MDGA2: variants seen among roughly 807,000 people sequenced by gnomAD.
The protein encoded by MDGA2 is MAM domain-containing glycosylphosphatidylinositol anchor protein 2.
In MDGA2, 40 loss-of-function variants were observed where a neutral mutation model predicts 117.8. The ratio of observed to expected loss-of-function variants is 0.34; its 90% CI spans 0.26 to 0.44. The LOEUF is 0.44. Ranked by LOEUF, MDGA2 falls within the 20% of genes least tolerant of loss-of-function variation. The pLI is 1.00. For synonymous variants in MDGA2, 452 were observed against 439.0 expected (o/e 1.03, Z -0.37); for missense variants, 1,123 against 1,250.6 (o/e 0.90, Z 1.54).
intron 14 of MDGA2, among the ~76,000 whole-genome samples, chr14:46,870,592 G>GC (rs1881955472): frequency 6.6e-6 from 1 of 151,934 alleles, no homozygotes; most frequent in Admixed American, 6.6e-5. Context: ...CCTGCAGCTT[G>GC]CTGAGAGGAA....
intron 5 of MDGA2, among the ~76,000 whole-genome samples, chr14:47,128,535 A>T (rs889221859): frequency 6.6e-6 from 1 of 152,154 alleles, no homozygotes; most frequent in African/African-American, 2.4e-5. Context: ...TCATGCCATG[A>T]AGAATAACAT....
At chr14:46,962,215 A>C (rs1885840236) in intron 8 of MDGA2, among the ~76,000 whole-genome samples, 1 of 152,212 alleles carries the variant, frequency 6.6e-6, no homozygotes, top group African/African-American at 2.4e-5. Flanking sequence ...AAGTGACTTG[A>C]ATTTGAGTTA....
chr14:47,281,323 T>C (rs1175921208), intron 2 of MDGA2, among the ~76,000 whole-genome samples: 1 of 152,146 alleles, frequency 6.6e-6, no homozygotes, highest in African/African-American at 2.4e-5. Flanking sequence ...ATTAGGTGAT[T>C]TGCCTTATAG....
chr14:47,183,754 A>T (rs1022537656), intron 3 of MDGA2, among the ~76,000 whole-genome samples: 2 of 152,102 alleles, frequency 1.3e-5, no homozygotes, highest in African/African-American at 4.8e-5. Context: ...GTTAGAGACT[A>T]TACCAGTATT....
chr14:47,628,025 C>T (rs758135455), intron 1 of MDGA2, among the ~76,000 whole-genome samples: 3 of 152,128 alleles, frequency 2.0e-5, no homozygotes, highest in Admixed American at 6.5e-5. Flanking sequence ...CCACCAATTC[C>T]GGACACAGTA....
intron 2 of MDGA2, among the ~76,000 whole-genome samples, chr14:47,288,421 T>C (rs1888763903): frequency 6.6e-6 from 1 of 152,166 alleles, no homozygotes; most frequent in Non-Finnish European, 1.5e-5. Flanking sequence ...GTCAATTTGA[T>C]ACCATATTGC....
intron 1 of MDGA2, among the ~76,000 whole-genome samples, chr14:47,374,038 T>C (rs112340777): frequency 7.9e-5 from 12 of 152,280 alleles, no homozygotes; most frequent in African/African-American, 2.9e-4. Flanking sequence ...ATTTTACATA[T>C]TTGGGATGAG....
Position 47,241,006 on chromosome 14 carries a change from G to T in MDGA2, c.421-22811C>A, listed in dbSNP as rs149794710. Among the ~76,000 whole-genome samples, 515 of 151,936 alleles carry T rather than the reference G, an allele frequency of 3.4e-3. 6 individuals carry two copies. The highest frequency in any genetic ancestry group is 0.012 in the African/African-American group (486 of 41,506). The stretch of plus-strand genomic sequence containing the variant: ...TGTGATTTTAGAAAATGGGTTATTT[G>T]AAGGAAACTTGCTCCAGATATGTTT... On this transcript the variant is annotated intron_variant, in intron 2 of 16. Coordinates refer to ENST00000399232, the MANE Select transcript of MDGA2 (RefSeq NM_001113498.3).
chr14:47,527,034 C>G (rs1178673375), intron 1 of MDGA2, among the ~76,000 whole-genome samples: 1 of 152,120 alleles, frequency 6.6e-6, no homozygotes, highest in African/African-American at 2.4e-5. Context: ...TGAGTATTTA[C>G]TAAGTCCCAA....
intron 1 of MDGA2, among the ~76,000 whole-genome samples, chr14:47,521,246 G>A (rs539685443): frequency 8.5e-5 from 13 of 152,218 alleles, no homozygotes; most frequent in African/African-American, 2.9e-4. Context: ...TCTGGATGTG[G>A]GGGATCAGTT....
chr14:47,335,734 T>TTATATATATATATATA (rs1555374514), intron 1 of MDGA2, among the ~76,000 whole-genome samples: 57 of 47,918 alleles, frequency 1.2e-3, no homozygotes, highest in South Asian at 5.6e-3. Context: ...CACATATATT[T>TTATATATATATATATA]TATATATATA....
intron 5 of MDGA2, among the ~76,000 whole-genome samples, chr14:47,130,219 G>GT (rs977922171): frequency 4.6e-5 from 7 of 151,890 alleles, no homozygotes; most frequent in African/African-American, 1.7e-4. Flanking sequence ...GGTTTTTATG[G>GT]TTTTAGGTCT....
At chr14:47,397,648 T>G (rs751352455) in intron 1 of MDGA2, among the ~76,000 whole-genome samples, 1 of 152,174 alleles carries the variant, frequency 6.6e-6, no homozygotes, top group Non-Finnish European at 1.5e-5. Context: ...TAGATAAGTA[T>G]CTTTATAAAT....
chr14:47,135,833 A>G (rs61995365), intron 4 of MDGA2, among the ~76,000 whole-genome samples: 8,621 of 152,064 alleles, frequency 0.057, 337 homozygotes, highest in Middle Eastern at 0.1. Flanking sequence ...AATGCTCCCC[A>G]TTCCTTGCTA....
chr14:47,025,097 T>C (rs941976910), intron 8 of MDGA2, among the ~76,000 whole-genome samples: 1 of 152,114 alleles, frequency 6.6e-6, no homozygotes, highest in African/African-American at 2.4e-5. Flanking sequence ...GAAACTATAA[T>C]TATTATTATC....
chr14:47,282,180 G>A (rs1888514845), intron 2 of MDGA2, among the ~76,000 whole-genome samples: 3 of 152,010 alleles, frequency 2.0e-5, no homozygotes, highest in Admixed American at 2.0e-4. Context: ...ATATGCATAA[G>A]CATTCTAAAT....
At chr14:47,173,118 A>G (rs1406077229) in intron 3 of MDGA2, among the ~76,000 whole-genome samples, 2 of 152,238 alleles carry the variant, frequency 1.3e-5, no homozygotes, top group East Asian at 1.9e-4. Context: ...AAAAAGAAAC[A>G]AACAAAGCCT....
At chr14:47,345,016 A>C (rs934372394) in intron 1 of MDGA2, among the ~76,000 whole-genome samples, 1 of 152,112 alleles carries the variant, frequency 6.6e-6, no homozygotes, top group African/African-American at 2.4e-5. Flanking sequence ...TTAATATTTC[A>C]ACCAAATGTT....
intron 9 of MDGA2, among the ~76,000 whole-genome samples, chr14:46,942,698 T>C (rs1885041369): frequency 6.6e-6 from 1 of 152,134 alleles, no homozygotes; most frequent in Non-Finnish European, 1.5e-5. Flanking sequence ...CTCGACATTG[T>C]TTTTGAAATC....
Sources: gnomAD v4.1 joint callset for allele counts (sites outside exome capture counted in the v4.1 genomes callset) on GRCh38, gnomAD v4.1.1 for gene constraint, MANE v1.5 for transcripts, NCBI Gene and HGNC (gene_info 2026-07-23, HGNC 2026-07-21) for gene names.